The following TCEA1 variants were observed in gnomAD, a reference collection of about 807,000 sequenced individuals.
The protein encoded by TCEA1 is transcription elongation factor A1, also known as transcription elongation factor A protein 1.
TCEA1 carries 21 observed loss-of-function variants against 43.8 expected under a neutral mutation model. The ratio of observed to expected loss-of-function variants is 0.48; its 90% CI spans 0.34 to 0.69. The LOEUF (loss-of-function observed/expected upper bound fraction) is 0.69, where lower values mean the gene tolerates loss of function less well. TCEA1 is among the 30% of genes least tolerant of loss of function. The pLI is 0.01. For synonymous variants in TCEA1, 104 were observed against 117.5 expected, an observed-to-expected ratio of 0.88 and a Z score of 0.75; for missense variants, 250 against 365.1, an observed-to-expected ratio of 0.68 and a Z score of 2.57.
intron 2 of TCEA1, among the ~76,000 whole-genome samples, chr8:54,009,420 C>T (rs1482092288): frequency 6.6e-6 from 1 of 152,124 alleles, no homozygotes; most frequent in Non-Finnish European, 1.5e-5. Context: ...TGGAATCAAC[C>T]TAAGTGCCCA....
chr8:54,002,645 T>C (rs960276922), intron 2 of TCEA1, among the ~76,000 whole-genome samples: 1 of 152,036 alleles, frequency 6.6e-6, no homozygotes, highest in East Asian at 1.9e-4. Flanking sequence ...GTTGACTCTA[T>C]GAATTCCCTA....
At chr8:54,005,420 TACCA>T (rs982988986) in intron 2 of TCEA1, among the ~76,000 whole-genome samples, 4 of 152,336 alleles carry the variant, frequency 2.6e-5, no homozygotes, top group Admixed American at 2.6e-4. Context: ...CTCAACTACC[TACCA>T]GATACCTGCA....
intron 1 of TCEA1, among the ~76,000 whole-genome samples, chr8:54,011,071 G>A (rs1006517605): frequency 1.3e-5 from 2 of 152,110 alleles, no homozygotes; most frequent in Admixed American, 6.6e-5. Context: ...CCAAAGTGCT[G>A]GGATTACAGG....
chr8:54,003,896 C>G (rs1417287586), intron 2 of TCEA1, among the ~76,000 whole-genome samples: 1 of 148,820 alleles, frequency 6.7e-6, no homozygotes, highest in East Asian at 2.0e-4. Flanking sequence ...GTCTGATAAG[C>G]GACTTGTATT....
intron 2 of TCEA1, chr8:54,002,817 ACT>A (rs1804314221): frequency 2.0e-5 from 9 of 446,652 alleles, no homozygotes; most frequent in South Asian, 1.4e-4. Flanking sequence ...ACATCGTGAA[ACT>A]CTAGCAGATA....
At chr8:54,010,616 C>T in intron 1 of TCEA1, 124 bp from the exon 2 acceptor site, 1 of 671,058 alleles carries the variant, frequency 1.5e-6, no homozygotes, top group Non-Finnish European at 2.5e-6. Context: ...TAAGGAGCAA[C>T]AGCACCACCT....
In TCEA1 at chr8:53,984,471, T is replaced by C; in HGVS notation, c.570A>G (p.Arg190=). Reference sequence around the variant, plus strand: ...TAAGATTTGATATCCTACTTCGTACTCTATTTTTGTATTTCATGTCTGTAT... The same window carrying C: ...TAAGATTTGATATCCTACTTCGTACCCTATTTTTGTATTTCATGTCTGTAT... ...IRNTDMKYKN[R]VRSRISNLKD... Residue 190 remains arginine, a synonymous_variant, in exon 7 of 10, where the codon AGA becomes AGG. Coordinates refer to ENST00000521604, the MANE Select transcript of TCEA1 (RefSeq NM_006756.4). The C allele has an allele frequency of 6.2e-7, 1 of 1,600,176 alleles. No individual in the cohort carries two copies. The highest frequency in any genetic ancestry group is 8.5e-7 in the Non-Finnish European group (1 of 1,173,790).
At chr8:54,015,404 G>A (rs187531704) in intron 1 of TCEA1, among the ~76,000 whole-genome samples, 2,035 of 152,098 alleles carry the variant, frequency 0.013, 36 homozygotes, top group Non-Finnish European at 0.021. Context: ...TCCTGACCTC[G>A]TGATCTGCCC....
chr8:53,986,760 A>G (rs779014140), intron 6 of TCEA1, among the ~76,000 whole-genome samples: 1 of 152,158 alleles, frequency 6.6e-6, no homozygotes, highest in Non-Finnish European at 1.5e-5. Flanking sequence ...ATTCCCTACA[A>G]TGGAATCCCA....
At position 54,010,435 on chromosome 8, in the gene TCEA1, G is replaced by A. The variant is rs755596140; in HGVS notation, c.121C>T (p.Leu41=). 1.2e-6 allele frequency: 2 copies of A among 1,603,638 alleles called. No homozygotes were observed. The highest frequency in any genetic ancestry group is 1.7e-6 in the Non-Finnish European group (2 of 1,176,170). ...TGATGCATAAAAGCACATACCTGCA[G>A]TAATTCCAGGGTCATAGGAATATTC... ...LKNIPMTLEL[L]QSTRIGMSVN... is the part of the protein sequence containing the mutation. Residue 41 remains leucine (L), a synonymous_variant, in exon 2 of 10, where the codon CTG becomes TTG. Coordinates refer to ENST00000521604, the MANE Select transcript of TCEA1 (RefSeq NM_006756.4).
rs775322544 is a variant in TCEA1, at chr8:53,984,466, C to T, written c.575G>A (p.Arg192Gln). ...NTDMKYKNRV[R>Q]SRISNLKDAK... ...ATCTTTAAGATTTGATATCCTACTT[C>T]GTACTCTATTTTTGTATTTCATGTC... Residue 192 changes from arginine (R) to glutamine (Q), a missense_variant, in exon 7 of 10, where the codon CGA (arginine) becomes CAA (glutamine). Coordinates refer to ENST00000521604, the MANE Select transcript of TCEA1 (RefSeq NM_006756.4). The T allele has an allele frequency of 3.7e-6, 6 of 1,601,634 alleles. No homozygotes were observed. The highest frequency in any genetic ancestry group is 5.1e-6 in the Non-Finnish European group (6 of 1,174,186).
chr8:53,968,505 A>G (rs1803058523), intron 9 of TCEA1, among the ~76,000 whole-genome samples: 1 of 152,204 alleles, frequency 6.6e-6, no homozygotes, highest in Non-Finnish European at 1.5e-5. Flanking sequence ...CACAAAGTGC[A>G]TGTATTCAAA....
At chr8:53,985,221 TG>T (rs1421343500) in intron 6 of TCEA1, among the ~76,000 whole-genome samples, 1 of 152,144 alleles carries the variant, frequency 6.6e-6, no homozygotes, top group Non-Finnish European at 1.5e-5. Context: ...TTCACCATGT[TG>T]GCCAGGCTGG....
intron 8 of TCEA1, chr8:53,972,642 A>G: frequency 1.6e-6 from 1 of 611,664 alleles, no homozygotes. Context: ...GGAGAGGGTG[A>G]AGGAAGAGCA....
intron 4 of TCEA1, 41 bp downstream of exon 4, chr8:53,993,619 AGTAAAACT>A (rs777628978): frequency 1.8e-5 from 26 of 1,466,372 alleles, no homozygotes; most frequent in Non-Finnish European, 2.3e-5. Context: ...TGATGCAGGA[AGTAAAACT>A]ATGACTTTCA....
At chr8:53,974,527 G>C (rs373613970) in intron 8 of TCEA1, among the ~76,000 whole-genome samples, 1 of 148,702 alleles carries the variant, frequency 6.7e-6, no homozygotes, top group African/African-American at 2.5e-5. Context: ...GGGGGGTAGT[G>C]GGGGTGGGGG....
intron 1 of TCEA1, among the ~76,000 whole-genome samples, chr8:54,013,680 C>CAAAAAAAAAAAAAAAAAAAAAAAAAAAA (rs5891511): frequency 4.6e-5 from 3 of 65,298 alleles, no homozygotes; most frequent in Non-Finnish European, 8.3e-5. Context: ...AACTCCATCT[C>CAAAAAAAAAAAAAAAAAAAAAAAAAAAA]AAAAAAAAAA....
At chr8:54,005,589 T>C (rs763502251) in intron 2 of TCEA1, among the ~76,000 whole-genome samples, 3 of 151,748 alleles carry the variant, frequency 2.0e-5, no homozygotes, top group Non-Finnish European at 2.9e-5. Flanking sequence ...TCTACCCAGT[T>C]GCCATGGCAA....
chr8:53,986,049 T>A (rs1317283232), intron 6 of TCEA1, among the ~76,000 whole-genome samples: 4 of 152,200 alleles, frequency 2.6e-5, no homozygotes, highest in African/African-American at 9.7e-5. Context: ...AAGTGAAGAA[T>A]AAGACTTTGA....
Sources: allele counts gnomAD v4.1 joint callset (sites outside exome capture counted in the v4.1 genomes callset), GRCh38; gene constraint gnomAD v4.1.1; transcripts MANE v1.5; gene names NCBI Gene and HGNC (gene_info 2026-07-23, HGNC 2026-07-21).